Variants in SNX8 observed in about 807,000 individuals in gnomAD.
SNX8 encodes sorting nexin-8.
In SNX8, 25 loss-of-function variants were observed where a neutral mutation model predicts 51.6. That is an observed-to-expected ratio of 0.48 (90% CI 0.35 to 0.68). The LOEUF (loss-of-function observed/expected upper bound fraction) is 0.68. SNX8 is among the 30% of genes least tolerant of loss of function. SNX8 has a pLI of 0.00. For synonymous variants in SNX8, 324 were observed against 277.0 expected (o/e 1.17, Z -1.68); for missense variants, 695 against 624.0 (o/e 1.11, Z -1.21).
intron 1 of SNX8, among the ~76,000 whole-genome samples, chr7:2,282,991 GAA>G (rs1562436971): frequency 5.6e-4 from 85 of 151,742 alleles, no homozygotes; most frequent in African/African-American, 1.6e-3. Context: ...CGTGGTGGCG[GAA>G]GCCTGTAGTC....
chr7:2,261,862 T>C (rs1795344859), intron 7 of SNX8, among the ~76,000 whole-genome samples: 2 of 152,174 alleles, frequency 1.3e-5, no homozygotes, highest in Admixed American at 1.3e-4. Flanking sequence ...AAGCCCCGAC[T>C]CCACAGCAGG....
In SNX8 at chr7:2,254,999, A is replaced by G; in HGVS notation, c.*57T>C. 1 of 1,148,648 alleles carries G rather than the reference A, an allele frequency of 8.7e-7. No homozygotes were observed. The allele number at this position is 1,148,648 out of a possible 1,614,324, so 71.2% of individuals were successfully genotyped here. On this transcript the variant is annotated 3_prime_UTR_variant, in exon 11 of 11. Transcript: ENST00000222990. ...TCCAAAGGGAATTACACCGGGACAC[A>G]CCGTTTGGAAAGAGGTTTTAGTGCG...
chr7:2,270,831 G>C (rs1795627173), intron 4 of SNX8, among the ~76,000 whole-genome samples: 1 of 152,106 alleles, frequency 6.6e-6, no homozygotes, highest in South Asian at 2.1e-4. Flanking sequence ...CCTGCAGCAG[G>C]GACAAGGACA....
intron 1 of SNX8, among the ~76,000 whole-genome samples, chr7:2,313,295 G>A (rs1490910994): frequency 6.6e-6 from 1 of 151,950 alleles, no homozygotes; most frequent in African/African-American, 2.4e-5. Context: ...GGAAGCTGAG[G>A]TGGTTGGATC....
chr7:2,319,837 G>C (rs1437216079), intron 1 of SNX8, among the ~76,000 whole-genome samples: 1 of 147,418 alleles, frequency 6.8e-6, no homozygotes, highest in South Asian at 2.1e-4. Context: ...AAAATTAGCT[G>C]GGTGTGGTGG....
intron 1 of SNX8, among the ~76,000 whole-genome samples, chr7:2,311,044 G>T (rs191625415): frequency 1.3e-5 from 2 of 152,282 alleles, no homozygotes; most frequent in Admixed American, 1.3e-4. Flanking sequence ...TCCATGTATG[G>T]CATAACTGAA....
rs1795213271 is a variant in SNX8 at position 2,257,360 on chromosome 7, C to T, written c.1134+5G>A. ...ACGGGCCTGCTCGGCCGCCCCGCCA[C>T]CCACCTCCACAATGCGGGACTCCAG... On this transcript the variant is annotated splice_donor_5th_base_variant and intron_variant, in intron 9 of 10. Transcript: ENST00000222990. 9.4e-6 allele frequency: 15 copies of T among 1,603,866 alleles called. No homozygotes were observed. The highest frequency in any genetic ancestry group is 1.3e-5 in the Non-Finnish European group (15 of 1,178,704).
intron 1 of SNX8, among the ~76,000 whole-genome samples, chr7:2,334,338 C>T (rs1422330810): frequency 6.0e-5 from 9 of 151,046 alleles, no homozygotes; most frequent in African/African-American, 1.5e-4. Flanking sequence ...GGGAGGCAGA[C>T]GTTGCAGTGA....
intron 3 of SNX8, among the ~76,000 whole-genome samples, chr7:2,274,423 T>C (rs1002736775): frequency 6.6e-6 from 1 of 152,188 alleles, no homozygotes; most frequent in African/African-American, 2.4e-5. Context: ...CCCCAGCATG[T>C]TTTATTCAGA....
Position 2,252,730 on chromosome 7 carries a change from T to G in SNX8, c.*2326A>C, listed in dbSNP as rs1795070782. On this transcript the variant is annotated 3_prime_UTR_variant, in exon 11 of 11. Transcript: ENST00000222990. Reference sequence around the variant, plus strand: ...CCTCTTGCTCTCCTCACCCCTGCCCTCTTGCTCTCTCCTCACCCCTGCCCT... The same window carrying G: ...CCTCTTGCTCTCCTCACCCCTGCCCGCTTGCTCTCTCCTCACCCCTGCCCT... 1 of 107,712 alleles carries G rather than the reference T, an allele frequency of 9.3e-6. No homozygotes were observed. The allele number at this position is 107,712 out of a possible 1,614,324, so 6.7% of individuals were successfully genotyped here.
At chr7:2,351,861 A>T (rs1278484466) in intron 1 of SNX8, among the ~76,000 whole-genome samples, 1 of 150,886 alleles carries the variant, frequency 6.6e-6, no homozygotes, top group Admixed American at 6.6e-5. Context: ...AATAAAGATA[A>T]TAATAAAAAC....
At chr7:2,260,553 C>T (rs997427836) in intron 7 of SNX8, among the ~76,000 whole-genome samples, 2 of 152,086 alleles carry the variant, frequency 1.3e-5, no homozygotes, top group Admixed American at 6.6e-5. Context: ...GACCCTACTC[C>T]GAGTCTCACG....
At chr7:2,291,910 C>G (rs1796159858) in intron 1 of SNX8, among the ~76,000 whole-genome samples, 1 of 152,220 alleles carries the variant, frequency 6.6e-6, no homozygotes, top group South Asian at 2.1e-4. Context: ...ATGGGAGGAG[C>G]ACACCACAGG....
At position 2,257,085 on chromosome 7, in the gene SNX8, G is replaced by A. The variant is rs533867784; in HGVS notation, c.1135-62C>T. On this transcript the variant is annotated intron_variant, in intron 9 of 10. Transcript: ENST00000222990. ...GCCGGCGACGGGAGCACCAAGGCCC[G>A]AACACCAGCGTGCTCCCTGAGCCAG... 2.6e-6 allele frequency: 4 copies of A among 1,513,000 alleles called. No homozygotes were observed. The African/African-American group carries it at 4.1e-5, about 16-fold the overall frequency. The allele number at this position is 1,513,000 out of a possible 1,614,324, so 93.7% of individuals were successfully genotyped here.
At chr7:2,300,222 C>T (rs1796361192) in intron 1 of SNX8, among the ~76,000 whole-genome samples, 1 of 152,194 alleles carries the variant, frequency 6.6e-6, no homozygotes, top group Non-Finnish European at 1.5e-5. Context: ...GATTGGTTAA[C>T]CAGGATGCTC....
rs1347755143 is a variant in SNX8 at position 2,299,079 on chromosome 7, A to T, written c.94+15249T>A. Among the ~76,000 whole-genome samples the T allele has an allele frequency of 2.0e-5, 3 of 152,064 alleles. No individual in the cohort carries two copies. In the East Asian group the frequency reaches 5.8e-4, roughly 29 times the overall value. On this transcript the variant is annotated intron_variant, in intron 1 of 10. Transcript: ENST00000222990. ...ACAGAGCAAGCTGCTGACCAGGGTC[A>T]GGGCTCCCCAGAGAGCTAGGTTCCT...
intron 1 of SNX8, among the ~76,000 whole-genome samples, chr7:2,346,734 T>C (rs1779035261): frequency 1.4e-5 from 1 of 71,802 alleles, no homozygotes; most frequent in African/African-American, 4.8e-5. Context: ...CTGGACTCCG[T>C]CTCAAAAAAA....
At chr7:2,337,364 T>G (rs549530785) in intron 1 of SNX8, 1 of 151,754 alleles carries the variant, frequency 6.6e-6, no homozygotes, top group Non-Finnish European at 1.5e-5. Flanking sequence ...GGAGGATCAC[T>G]TGAGCTCAGG....
Position 2,255,183 on chromosome 7 carries a change from G to T in SNX8, c.1285-14C>A. ...CACCTTGCTCATCTGAAAGGGAAGC[G>T]AAGAGAACAAGATCAGCAGGCGGGG... On this transcript the variant is annotated splice_polypyrimidine_tract_variant and intron_variant, in intron 10 of 10. Transcript: ENST00000222990. 6.7e-7 allele frequency: 1 copy of T among 1,498,248 alleles called. No homozygotes were observed. Among genetic ancestry groups the T allele is most frequent in the Non-Finnish European group, 9.0e-7 (1 of 1,107,368 alleles). The allele number at this position is 1,498,248 out of a possible 1,614,324, so 92.8% of individuals were successfully genotyped here. A position where few individuals can be genotyped will look rare whatever the true frequency, so the allele number is the denominator to read the frequency against.
Sources: gnomAD v4.1 joint callset for allele counts (sites outside exome capture counted in the v4.1 genomes callset) on GRCh38, gnomAD v4.1.1 for gene constraint, MANE v1.5 for transcripts, NCBI Gene and HGNC (gene_info 2026-07-23, HGNC 2026-07-21) for gene names.